Variants in ST6GALNAC3 observed in about 807,000 individuals in gnomAD.
ST6GALNAC3 encodes ST6 N-acetylgalactosaminide alpha-2,6-sialyltransferase 3.
ST6GALNAC3 carries 25 observed loss-of-function variants against 32.7 expected under a neutral mutation model. The observed-to-expected ratio is 0.76, with a 90% CI of 0.56 to 1.07. The LOEUF is 1.07. Ranked by LOEUF, ST6GALNAC3 falls within the 50% of genes least tolerant of loss-of-function variation. The pLI is 0.00. For synonymous variants in ST6GALNAC3, 129 were observed against 133.1 expected (o/e 0.97, Z 0.21); for missense variants, 355 against 382.4 (o/e 0.93, Z 0.60).
chr1:76,289,352 A>G (rs1402739588), intron 1 of ST6GALNAC3, among the ~76,000 whole-genome samples: 1 of 152,170 alleles, frequency 6.6e-6, no homozygotes, highest in East Asian at 1.9e-4. Flanking sequence ...CCTGGCACTT[A>G]TTGCTAGGCA....
intron 3 of ST6GALNAC3, among the ~76,000 whole-genome samples, chr1:76,433,918 T>G (rs1655947517): frequency 6.6e-6 from 1 of 152,272 alleles, no homozygotes; most frequent in Admixed American, 6.5e-5. Context: ...TATGGTAGCA[T>G]CACACTGTGA....
intron 1 of ST6GALNAC3, among the ~76,000 whole-genome samples, chr1:76,248,687 A>G (rs1418665074): frequency 6.6e-6 from 1 of 151,894 alleles, no homozygotes; most frequent in Non-Finnish European, 1.5e-5. Flanking sequence ...TTTTCTCCTC[A>G]TATCTCCTCT....
intron 3 of ST6GALNAC3, among the ~76,000 whole-genome samples, chr1:76,514,551 G>T (rs759909097): frequency 1.3e-5 from 2 of 152,090 alleles, no homozygotes; most frequent in African/African-American, 2.4e-5. Context: ...GGTTCTTGCA[G>T]AAATGGATAA....
chr1:76,614,629 G>A (rs1361344235), intron 3 of ST6GALNAC3, among the ~76,000 whole-genome samples: 1 of 149,130 alleles, frequency 6.7e-6, no homozygotes, highest in Non-Finnish European at 1.5e-5. Flanking sequence ...TGAGGCAGGA[G>A]AATGGTGTGA....
rs957881333 is a variant in ST6GALNAC3 at position 76,483,708 on chromosome 1, A to G, written c.623+71291A>G. On this transcript the variant is annotated intron_variant, in intron 3 of 4. Transcript: ENST00000328299. ...CTGATGGTAGTTTCTTTTGCTGTGC[A>G]GAAGCTCTTTAGTTTAATTAGATCC... Among the ~76,000 whole-genome samples the G allele has an allele frequency of 2.0e-5, 3 of 152,272 alleles. No individual in the cohort carries two copies. The East Asian group carries it at 5.8e-4, about 29-fold the overall frequency.
intron 1 of ST6GALNAC3, among the ~76,000 whole-genome samples, chr1:76,116,816 C>T (rs6691344): frequency 0.21 from 32,272 of 152,048 alleles, 4,398 homozygotes; most frequent in African/African-American, 0.38. Flanking sequence ...CCTGTAATCC[C>T]AGCTACTCAG....
intron 3 of ST6GALNAC3, among the ~76,000 whole-genome samples, chr1:76,534,314 A>G (rs959675210): frequency 6.6e-6 from 1 of 152,228 alleles, no homozygotes; most frequent in Non-Finnish European, 1.5e-5. Context: ...AAGTGCTGGG[A>G]TAACAGGCTT....
At chr1:76,309,961 AT>A in intron 1 of ST6GALNAC3, 1 of 493,822 alleles carries the variant, frequency 2.0e-6, no homozygotes, top group Non-Finnish European at 4.1e-6. Flanking sequence ...TGGTTGACTT[AT>A]TTTTCTCTCA....
intron 1 of ST6GALNAC3, among the ~76,000 whole-genome samples, chr1:76,144,071 T>C (rs574456732): frequency 1.3e-5 from 2 of 152,298 alleles, no homozygotes; most frequent in East Asian, 3.9e-4. Context: ...CATGTGGAAA[T>C]GCTCAGTAAA....
chr1:76,427,384 C>T (rs1413528024), intron 3 of ST6GALNAC3, among the ~76,000 whole-genome samples: 1 of 150,706 alleles, frequency 6.6e-6, no homozygotes, highest in Non-Finnish European at 1.5e-5. Context: ...CATAGCCTCT[C>T]AGCCCTGTGG....
intron 1 of ST6GALNAC3, among the ~76,000 whole-genome samples, chr1:76,138,764 G>A (rs574001791): frequency 6.6e-6 from 1 of 152,154 alleles, no homozygotes; most frequent in Non-Finnish European, 1.5e-5. Flanking sequence ...CAATGCAAAG[G>A]ACTTCCAGGT....
intron 2 of ST6GALNAC3, among the ~76,000 whole-genome samples, chr1:76,322,155 T>C (rs1646979133): frequency 1.3e-5 from 2 of 152,246 alleles, no homozygotes; most frequent in South Asian, 4.2e-4. Context: ...ACAGTGTATC[T>C]ATCACAAATA....
chr1:76,322,380 G>A (rs898703659), intron 2 of ST6GALNAC3, among the ~76,000 whole-genome samples: 45 of 152,170 alleles, frequency 3.0e-4, no homozygotes, highest in African/African-American at 9.6e-4. Flanking sequence ...GTAATTTAAA[G>A]AAGTGTTAAA....
chr1:76,234,674 G>A (rs757888255), intron 1 of ST6GALNAC3, among the ~76,000 whole-genome samples: 7 of 152,218 alleles, frequency 4.6e-5, no homozygotes, highest in Non-Finnish European at 1.0e-4. Flanking sequence ...ACATTTTTTA[G>A]TAAATAGAGG....
intron 2 of ST6GALNAC3, among the ~76,000 whole-genome samples, chr1:76,317,635 A>AT (rs1646890098): frequency 6.6e-6 from 1 of 152,086 alleles, no homozygotes; most frequent in Admixed American, 6.6e-5. Flanking sequence ...ACTTCTTAGT[A>AT]TTTTTTTAAA....
chr1:76,586,788 G>A (rs1450864420), intron 3 of ST6GALNAC3, among the ~76,000 whole-genome samples: 1 of 152,148 alleles, frequency 6.6e-6, no homozygotes, highest in Non-Finnish European at 1.5e-5. Flanking sequence ...CAAAGTCAGT[G>A]AACAGGAATA....
At chr1:76,437,662 C>G (rs1292775899) in intron 3 of ST6GALNAC3, among the ~76,000 whole-genome samples, 2 of 151,102 alleles carry the variant, frequency 1.3e-5, no homozygotes, top group Admixed American at 6.6e-5. Flanking sequence ...ACTGCAACCT[C>G]TGCCTCCCGA....
At chr1:76,307,749 T>C (rs1157682401) in intron 1 of ST6GALNAC3, among the ~76,000 whole-genome samples, 1 of 152,160 alleles carries the variant, frequency 6.6e-6, no homozygotes, top group African/African-American at 2.4e-5. Context: ...GATTTTATTT[T>C]GTGGTTAAAG....
chr1:76,242,534 C>A (rs1657028799), intron 1 of ST6GALNAC3, among the ~76,000 whole-genome samples: 1 of 152,002 alleles, frequency 6.6e-6, no homozygotes, highest in Non-Finnish European at 1.5e-5. Context: ...GTTTGGTGCA[C>A]CTATCAACCC....
Sources: gnomAD v4.1 joint callset for allele counts (sites outside exome capture counted in the v4.1 genomes callset) on GRCh38, gnomAD v4.1.1 for gene constraint, MANE v1.5 for transcripts, NCBI Gene and HGNC (gene_info 2026-07-23, HGNC 2026-07-21) for gene names.